ANKS1B: variants seen among roughly 807,000 people sequenced by gnomAD.
The protein encoded by ANKS1B is ankyrin repeat and sterile alpha motif domain-containing protein 1B.
Under a neutral mutation model 148.3 loss-of-function variants are expected in ANKS1B, and 36 were observed. That is an observed-to-expected ratio of 0.24 (90% CI 0.19 to 0.32). The LOEUF (loss-of-function observed/expected upper bound fraction) is 0.32. Ranked by LOEUF, ANKS1B falls within the 10% of genes least tolerant of loss-of-function variation. The pLI, the probability that ANKS1B is intolerant of heterozygous loss-of-function variation, is 1.00. For synonymous variants in ANKS1B, 542 were observed against 560.8 expected (o/e 0.97, Z 0.47); for missense variants, 1,157 against 1,542.6 (o/e 0.75, Z 4.19).
In ANKS1B at chr12:99,123,013, T is replaced by TATATAA. The variant is rs1406812994; in HGVS notation, c.2526+31275_2526+31276insTTATAT. Among the ~76,000 whole-genome samples, 99 of 145,682 alleles carry TATATAA rather than the reference T, an allele frequency of 6.8e-4. No individual in the cohort carries two copies. The East Asian group carries it at 7.9e-3, about 12-fold the overall frequency. On this transcript the variant is annotated intron_variant, in intron 15 of 26. Transcript: ENST00000683438. ...TAAAAAAAAAATATATATATATATATAAACATGTATATAAACCAACAAAAC... is the reference window on the plus strand; with the variant it reads ...TAAAAAAAAAATATATATATATATATATATAAAAACATGTATATAAACCAACAAAAC...
At chr12:99,953,645 T>C (rs1603486426) in intron 1 of ANKS1B, among the ~76,000 whole-genome samples, 1 of 149,314 alleles carries the variant, frequency 6.7e-6, no homozygotes, top group Admixed American at 6.7e-5. Flanking sequence ...GAGGAAAGAA[T>C]GTAAATGCAA....
intron 10 of ANKS1B, among the ~76,000 whole-genome samples, chr12:99,461,364 A>G (rs1373309452): frequency 2.0e-5 from 3 of 152,122 alleles, no homozygotes; most frequent in African/African-American, 7.2e-5. Flanking sequence ...AAATCTCAGA[A>G]ATCACCACTA....
At chr12:99,909,791 C>T (rs2093933130) in intron 1 of ANKS1B, among the ~76,000 whole-genome samples, 1 of 151,984 alleles carries the variant, frequency 6.6e-6, no homozygotes, top group East Asian at 1.9e-4. Flanking sequence ...TTCCTTTCTT[C>T]CCATGTCATA....
chr12:99,905,424 C>T (rs1466309236), intron 1 of ANKS1B, among the ~76,000 whole-genome samples: 1 of 152,178 alleles, frequency 6.6e-6, no homozygotes, highest in African/African-American at 2.4e-5. Flanking sequence ...CAGGGAAAGA[C>T]ATACCAAAGC....
chr12:99,226,129 C>T (rs1026881592), intron 14 of ANKS1B, among the ~76,000 whole-genome samples: 32 of 152,270 alleles, frequency 2.1e-4, no homozygotes, highest in Middle Eastern at 3.4e-3. Flanking sequence ...TTCTAAGGAA[C>T]ATGAGCATTT....
intron 15 of ANKS1B, among the ~76,000 whole-genome samples, chr12:99,090,460 C>G (rs1375294381): frequency 1.3e-5 from 2 of 152,084 alleles, no homozygotes; most frequent in Non-Finnish European, 2.9e-5. Flanking sequence ...CAAGATGATA[C>G]TGTTGATTGG....
At chr12:98,968,631 TTCTC>T (rs1483854206) in intron 17 of ANKS1B, among the ~76,000 whole-genome samples, 1 of 152,168 alleles carries the variant, frequency 6.6e-6, no homozygotes, top group East Asian at 1.9e-4. Flanking sequence ...CCCTTCACCT[TTCTC>T]TCTCCTAAAG....
At chr12:99,229,068 G>A (rs1029337989) in intron 14 of ANKS1B, among the ~76,000 whole-genome samples, 46 of 151,882 alleles carry the variant, frequency 3.0e-4, no homozygotes, top group African/African-American at 1.1e-3. Context: ...TAGAAAAAGA[G>A]AGAGCAGAAA....
In ANKS1B at chr12:99,529,886, A is replaced by C. The variant is rs1237349823; in HGVS notation, c.1273-25245T>G. ...ACTAAAACATTTTTTTCGAAGTAAA[A>C]ATTTTTACAGATTCTCTAAGTGATA... On this transcript the variant is annotated intron_variant, in intron 9 of 26. Transcript: ENST00000683438. Among the ~76,000 whole-genome samples the C allele has an allele frequency of 2.6e-5, 4 of 152,164 alleles. No individual in the cohort carries two copies. The East Asian group carries it at 5.8e-4, about 22-fold the overall frequency.
intron 25 of ANKS1B, among the ~76,000 whole-genome samples, chr12:98,758,577 T>C (rs903783574): frequency 6.6e-6 from 1 of 152,080 alleles, no homozygotes. Flanking sequence ...ACAGGAATTC[T>C]TCATCTTTGG....
intron 12 of ANKS1B, among the ~76,000 whole-genome samples, chr12:99,364,966 C>T (rs1386100664): frequency 1.3e-5 from 2 of 152,152 alleles, no homozygotes; most frequent in Non-Finnish European, 1.5e-5. Flanking sequence ...CCCCCCACCC[C>T]AAAGAACACA....
chr12:98,836,349 G>A (rs2099362942), intron 17 of ANKS1B, among the ~76,000 whole-genome samples: 1 of 152,248 alleles, frequency 6.6e-6, no homozygotes, highest in South Asian at 2.1e-4. Flanking sequence ...AGTATTCCCT[G>A]TGAAATACAC....
intron 9 of ANKS1B, among the ~76,000 whole-genome samples, chr12:99,625,455 C>T (rs1294568699): frequency 6.6e-6 from 1 of 152,252 alleles, no homozygotes; most frequent in East Asian, 1.9e-4. Flanking sequence ...TATTTCTTTA[C>T]TTGCCATTGT....
At chr12:99,106,648 G>C (rs1024892434) in intron 15 of ANKS1B, among the ~76,000 whole-genome samples, 3 of 152,154 alleles carry the variant, frequency 2.0e-5, no homozygotes, top group Non-Finnish European at 4.4e-5. Context: ...CATACAAAGT[G>C]TAATGATCAA....
chr12:99,701,001 T>G (rs1500660), intron 8 of ANKS1B, among the ~76,000 whole-genome samples: 29,406 of 152,106 alleles, frequency 0.19, 3,334 homozygotes, highest in East Asian at 0.46. Context: ...ACTATTCTGA[T>G]TATTTCTACA....
intron 12 of ANKS1B, among the ~76,000 whole-genome samples, chr12:99,323,425 A>C (rs2085695397): frequency 6.6e-6 from 1 of 152,122 alleles, no homozygotes; most frequent in Admixed American, 6.6e-5. Flanking sequence ...ATTTCTTGCA[A>C]TTTTACTTCC....
At chr12:98,905,358 T>C (rs1047004560) in intron 17 of ANKS1B, among the ~76,000 whole-genome samples, 2 of 152,184 alleles carry the variant, frequency 1.3e-5, no homozygotes, top group African/African-American at 4.8e-5. Flanking sequence ...CTAATGCTTG[T>C]GGTGGCGCCT....
chr12:99,614,910 T>C (rs2097939252), intron 9 of ANKS1B, among the ~76,000 whole-genome samples: 1 of 150,496 alleles, frequency 6.6e-6, no homozygotes, highest in East Asian at 1.9e-4. Context: ...AAAAGTTGCT[T>C]TAGTTTAAGG....
chr12:98,827,526 G>C (rs2099259414), intron 19 of ANKS1B, among the ~76,000 whole-genome samples: 1 of 152,130 alleles, frequency 6.6e-6, no homozygotes, highest in African/African-American at 2.4e-5. Flanking sequence ...TCTGATTGGA[G>C]TGACCCGTTA....
Sources: allele counts gnomAD v4.1 joint callset (sites outside exome capture counted in the v4.1 genomes callset), GRCh38; gene constraint gnomAD v4.1.1; transcripts MANE v1.5; gene names NCBI Gene and HGNC (gene_info 2026-07-23, HGNC 2026-07-21).